Variants in HOOK3 observed in about 807,000 individuals in gnomAD.
HOOK3 encodes hook microtubule tethering protein 3.
Under a neutral mutation model 116.3 loss-of-function variants are expected in HOOK3, and 24 were observed. The observed-to-expected ratio is 0.21, with a 90% CI of 0.15 to 0.29. The LOEUF is 0.29. HOOK3 is among the 10% of genes least tolerant of loss of function. The pLI, the probability that HOOK3 is intolerant of heterozygous loss-of-function variation, is 1.00. For synonymous variants in HOOK3, 275 were observed against 283.0 expected, an observed-to-expected ratio of 0.97 and a Z score of 0.28; for missense variants, 632 against 830.2, an observed-to-expected ratio of 0.76 and a Z score of 2.93.
intron 6 of HOOK3, among the ~76,000 whole-genome samples, chr8:42,953,306 C>T (rs1460765449): frequency 1.3e-5 from 2 of 150,866 alleles, no homozygotes; most frequent in Non-Finnish European, 2.9e-5. Context: ...TGGCTCATGC[C>T]TGTAATCCCA....
chr8:43,008,060 C>G (rs982519489), intron 18 of HOOK3, 131 bp downstream of exon 18: 18 of 373,488 alleles, frequency 4.8e-5, no homozygotes, highest in African/African-American at 3.8e-4. Flanking sequence ...TCACTCTCAC[C>G]CAGGCTGGAG....
chr8:42,931,816 G>A lies in HOOK3; in HGVS notation c.267+1644G>A, dbSNP rs182982751. Among the ~76,000 whole-genome samples the A allele has an allele frequency of 2.2e-3, 334 of 151,358 alleles. 1 individual carries two copies. Among genetic ancestry groups the A allele is most frequent in the African/African-American group, 7.5e-3 (307 of 41,152 alleles). Reference sequence around the variant, plus strand: ...GTCGCCCAGGGTAGAGTGCAGTAGCGCGATCTCAGCTCACTGCAACCTCCG... The same window carrying A: ...GTCGCCCAGGGTAGAGTGCAGTAGCACGATCTCAGCTCACTGCAACCTCCG... On this transcript the variant is annotated intron_variant, in intron 4 of 21. Transcript: ENST00000307602.
At chr8:42,915,326 C>T (rs1007756175) in intron 2 of HOOK3, among the ~76,000 whole-genome samples, 12 of 146,652 alleles carry the variant, frequency 8.2e-5, no homozygotes, top group Non-Finnish European at 1.3e-4. Context: ...GATTGTGTTA[C>T]GGCACTCCAG....
At chr8:42,985,105 T>G (rs1365814695) in intron 14 of HOOK3, among the ~76,000 whole-genome samples, 1 of 152,164 alleles carries the variant, frequency 6.6e-6, no homozygotes, top group Non-Finnish European at 1.5e-5. Flanking sequence ...AAATTGGAGA[T>G]CTCATAAACT....
Position 42,897,203 on chromosome 8 carries a change from C to T in HOOK3, c.57+15C>T, listed in dbSNP as rs1807009831. ...TCCTCACTTGGGTACGTGGGGGCCG[C>T]GGGCCGGCGGGAAGACCCCCTCCCC... On this transcript the variant is annotated intron_variant, in intron 1 of 21. Transcript: ENST00000307602. The T allele has an allele frequency of 2.4e-6, 3 of 1,239,714 alleles. No homozygotes were observed. The highest frequency in any genetic ancestry group is 3.0e-6 in the Non-Finnish European group (3 of 987,240). 76.8% of individuals were successfully genotyped at this position (1,239,714 alleles called of 1,614,324 possible). A position where few individuals can be genotyped will look rare whatever the true frequency, so the allele number is the denominator to read the frequency against.
intron 13 of HOOK3, among the ~76,000 whole-genome samples, chr8:42,979,846 T>C (rs1462749936): frequency 1.3e-5 from 2 of 152,170 alleles, no homozygotes; most frequent in Non-Finnish European, 2.9e-5. Flanking sequence ...TATATATCTT[T>C]CTTGTTTTCA....
intron 7 of HOOK3, among the ~76,000 whole-genome samples, chr8:42,957,707 T>C (rs1046839212): frequency 6.6e-6 from 1 of 151,996 alleles, no homozygotes; most frequent in Admixed American, 6.6e-5. Flanking sequence ...CCACCCCTCA[T>C]TTCTGTAAAG....
In HOOK3 at chr8:42,982,633, T is replaced by C; in HGVS notation, c.1328T>C (p.Met443Thr). The change falls in exon 14 of 22, where the codon ATG becomes ACG. Residue 443 changes from methionine to threonine, a missense_variant. Transcript: ENST00000307602. ...TATGTTTGTATATTTACAGGGTTAATGCCTCTTGGAAGTCAGGAGTCTTCA... is the reference window on the plus strand; with the variant it reads ...TATGTTTGTATATTTACAGGGTTAACGCCTCTTGGAAGTCAGGAGTCTTCA... ...QEGQLTTQGL[M>T]PLGSQESSDS... The C allele has an allele frequency of 6.2e-7, 1 of 1,606,572 alleles. No homozygotes were observed. Among genetic ancestry groups the C allele is most frequent in the East Asian group, 2.2e-5 (1 of 44,804 alleles).
intron 2 of HOOK3, among the ~76,000 whole-genome samples, chr8:42,912,331 C>G (rs1807447443): frequency 6.6e-6 from 1 of 151,946 alleles, no homozygotes; most frequent in South Asian, 2.1e-4. Context: ...ATCTGATTTA[C>G]AGCCTTCAAA....
At chr8:42,901,632 C>T (rs1426529604) in intron 1 of HOOK3, among the ~76,000 whole-genome samples, 1 of 152,102 alleles carries the variant, frequency 6.6e-6, no homozygotes, top group African/African-American at 2.4e-5. Context: ...AGGGCTAATA[C>T]AGAGAAAATA....
At chr8:43,012,320 TTACTG>T (rs1321310263) in intron 19 of HOOK3, among the ~76,000 whole-genome samples, 1 of 152,222 alleles carries the variant, frequency 6.6e-6, no homozygotes, top group Non-Finnish European at 1.5e-5. Flanking sequence ...GTACAGCACA[TTACTG>T]TACTGAATAG....
At chr8:42,967,885 A>ATT (rs2130425778) in intron 10 of HOOK3, 128 bp from the exon 11 acceptor site, 1 of 617,730 alleles carries the variant, frequency 1.6e-6, no homozygotes, top group Admixed American at 2.9e-5. Flanking sequence ...CTGTGCAGAA[A>ATT]ATTAACCTGG....
chr8:42,906,312 G>C (rs1807310205), intron 2 of HOOK3, 54 bp downstream of exon 2: 1 of 1,257,748 alleles, frequency 8.0e-7, no homozygotes, highest in African/African-American at 1.5e-5. Context: ...ATATTTGTTA[G>C]GTTGAAAACA....
rs1274176776 is a variant in HOOK3 at position 43,026,987 on chromosome 8, T to G, written c.*8489T>G. On this transcript the variant is annotated 3_prime_UTR_variant, in exon 22 of 22. Transcript: ENST00000307602. ...GCTCACTGCAGCCTCCACCTCCCGG[T>G]TTCAAGTGATTCTCCCACCTCAGCC... 1 of 181,416 alleles carries G rather than the reference T, an allele frequency of 5.5e-6. No homozygotes were observed. The highest frequency in any genetic ancestry group is 9.2e-5 in the East Asian group (1 of 10,900). The allele number at this position is 181,416 out of a possible 1,614,324, so 11.2% of individuals were successfully genotyped here.
chr8:42,987,364 A>G (rs924392501), intron 15 of HOOK3, among the ~76,000 whole-genome samples: 1 of 152,126 alleles, frequency 6.6e-6, no homozygotes, highest in African/African-American at 2.4e-5. Flanking sequence ...GAGCTCTACC[A>G]TTTACCCTTT....
chr8:43,010,438 C>A (rs556815111), intron 19 of HOOK3, 33 bp downstream of exon 19: 2 of 763,682 alleles, frequency 2.6e-6, no homozygotes, highest in South Asian at 2.3e-5. Flanking sequence ...TCTCACTCTA[C>A]CTTCTGATCA....
At chr8:42,946,775 T>A (rs980044173) in intron 5 of HOOK3, among the ~76,000 whole-genome samples, 7 of 146,838 alleles carry the variant, frequency 4.8e-5, no homozygotes, top group African/African-American at 1.5e-4. Flanking sequence ...TTTTTTTTTT[T>A]TTTTTTTTTC....
At chr8:42,986,847 T>C in intron 15 of HOOK3, 52 bp downstream of exon 15, 1 of 1,570,698 alleles carries the variant, frequency 6.4e-7, no homozygotes, top group South Asian at 1.1e-5. Flanking sequence ...CTATTTGCCT[T>C]GATTCTGAAT....
At chr8:43,014,314 C>T (rs1490606858) in intron 21 of HOOK3, among the ~76,000 whole-genome samples, 2 of 149,006 alleles carry the variant, frequency 1.3e-5, no homozygotes, top group Non-Finnish European at 3.0e-5. Context: ...AAAAGTTGTC[C>T]AAGACAAGAA....
Sources: allele counts gnomAD v4.1 joint callset (sites outside exome capture counted in the v4.1 genomes callset), GRCh38; gene constraint gnomAD v4.1.1; transcripts MANE v1.5; gene names NCBI Gene and HGNC (gene_info 2026-07-23, HGNC 2026-07-21).